Variants in SBF1 observed in about 807,000 individuals in gnomAD.
SBF1 encodes myotubularin-related protein 5.
A neutral mutation model predicts 215.8 loss-of-function variants in SBF1; 65 were observed. The ratio of observed to expected loss-of-function variants is 0.30; its 90% CI spans 0.25 to 0.37. SBF1 has a LOEUF of 0.37. Ranked by LOEUF, SBF1 falls within the 10% of genes least tolerant of loss-of-function variation. The pLI, the probability that SBF1 is intolerant of heterozygous loss-of-function variation, is 1.00. For synonymous variants in SBF1, 1,410 were observed against 1,122.8 expected (o/e 1.26, Z -5.11); for missense variants, 2,634 against 2,667.8 (o/e 0.99, Z 0.28).
In SBF1 at chr22:50,464,726, G is replaced by C; in HGVS notation, c.1444C>G (p.Pro482Ala). 6.2e-7 allele frequency: 1 copy of C among 1,607,562 alleles called. No individual in the cohort carries two copies. Among genetic ancestry groups the C allele is most frequent in the Non-Finnish European group, 8.5e-7 (1 of 1,177,954 alleles). ...TGTACCTTGTGCATCGCCACGGCTG[G>C]GTACGGGTTCTCCTGTGGGGAGACG... is the stretch of plus-strand genomic sequence containing the variant. ...EQLYKNENPY[P>A]AVAMHKVQRP... Residue 482 changes from proline to alanine, a missense_variant, in exon 14 of 41, where the codon CCA becomes GCA. Transcript: ENST00000380817.
chr22:50,454,654 C>T lies in SBF1; in HGVS notation c.4901G>A (p.Trp1634Ter), dbSNP rs1260740476. 1 of 1,592,480 alleles carries T rather than the reference C, an allele frequency of 6.3e-7. No homozygotes were observed. Among genetic ancestry groups the T allele is most frequent in the Non-Finnish European group, 8.6e-7 (1 of 1,169,358 alleles). Residue 1634 changes from tryptophan (W) to a stop codon, truncating the protein, a stop_gained, in exon 36 of 41, where the codon TGG (tryptophan) becomes TAG (stop). Transcript: ENST00000380817. LOFTEE classifies it high-confidence loss of function. ...TTCAGGGGGCCCCTGGGCCAGTTCC[C>T]AGTCATAGGGAGGGCCCTCGGCCAG... ...ETLAEGPPYD[W>*]ELAQGPPEPP...
intron 15 of SBF1, among the ~76,000 whole-genome samples, chr22:50,463,786 T>A (rs1189423873): frequency 6.6e-6 from 1 of 150,926 alleles, no homozygotes; most frequent in African/African-American, 2.4e-5. Context: ...AGCCTTGGAG[T>A]TTGCGTTCTA....
In SBF1 at chr22:50,465,087, G is replaced by A. The variant is rs1448693855; in HGVS notation, c.1246C>T (p.Leu416=). 1 of 1,614,122 alleles carries A rather than the reference G, an allele frequency of 6.2e-7. No homozygotes were observed. The highest frequency in any genetic ancestry group is 1.7e-5 in the Admixed American group (1 of 60,012). Reference sequence around the variant, plus strand: ...GCCATGCCCTCCAGCACCTTCATCAGGAAATCGTCCTCTACCAGCCCACGC... The same window carrying A: ...GCCATGCCCTCCAGCACCTTCATCAAGAAATCGTCCTCTACCAGCCCACGC... ...GQRGLVEDDF[L]MKVLEGMAFA... The change falls in exon 12 of 41, where the codon CTG becomes TTG. Residue 416 remains leucine (L), a synonymous_variant. Transcript: ENST00000380817.
chr22:50,458,658 C>A (rs1456082201), intron 28 of SBF1, among the ~76,000 whole-genome samples: 1 of 152,244 alleles, frequency 6.6e-6, no homozygotes, highest in African/African-American at 2.4e-5. Context: ...GGCCTATCTG[C>A]CACCCCGTCC....
rs914223694 is a variant in SBF1, at chr22:50,456,942, G to A, written c.3904+92C>T. 2.9e-5 allele frequency: 31 copies of A among 1,084,366 alleles called. 1 individual carries two copies. Among genetic ancestry groups the A allele is most frequent in the African/African-American group, 4.9e-5 (3 of 60,902 alleles). 67.2% of individuals were successfully genotyped at this position (1,084,366 alleles called of 1,614,324 possible). On this transcript the variant is annotated intron_variant, in intron 29 of 40. Coordinates refer to ENST00000380817, the MANE Select transcript of SBF1 (RefSeq NM_002972.4). ...CGGGTCGTTAGTGTCAGGTGTGGAG[G>A]GAGACATTAGTGCCCGCAATAACTC...
rs547416304 is a variant in SBF1, at chr22:50,461,339, C to T, written c.2840-53G>A. On this transcript the variant is annotated intron_variant, in intron 22 of 40. Transcript: ENST00000380817. ...GCAAGGAAGGTAAGGGGGGGGGGGT[C>T]CCAGAATCTCAGGGTACCACAGTTA... 2.9e-5 allele frequency: 45 copies of T among 1,540,810 alleles called. No individual in the cohort carries two copies. In the African/African-American group the frequency reaches 5.1e-4, roughly 17 times the overall value.
At chr22:50,459,723 C>T (rs1194091983) in intron 26 of SBF1, 57 bp from the exon 27 acceptor site, 34 of 1,510,442 alleles carry the variant, frequency 2.3e-5, no homozygotes, top group African/African-American at 2.8e-5. Flanking sequence ...TCCAGGCTCA[C>T]GCCCCAAGCA....
rs746863783 is a variant in SBF1, at chr22:50,447,171, G to A, written c.5653C>T (p.Arg1885Trp). The stretch of plus-strand genomic sequence containing the variant: ...GCGTCCGACAGGCAGCTCTGGATCC[G>A]GTCCACCCACTGCTGGGCCGAGGGC... ...DVPSAQQWVD[R>W]IQSCLSDA The change falls in exon 41 of 41, where the codon CGG becomes TGG. Residue 1885 changes from arginine to tryptophan, a missense_variant. Transcript: ENST00000380817. The A allele has an allele frequency of 1.6e-5, 26 of 1,612,988 alleles. No individual in the cohort carries two copies. The highest frequency in any genetic ancestry group is 5.3e-5 in the African/African-American group (4 of 74,932).
chr22:50,452,743 A>C (rs7349048), intron 36 of SBF1, among the ~76,000 whole-genome samples: 1 of 150,958 alleles, frequency 6.6e-6, no homozygotes, highest in African/African-American at 2.4e-5. Context: ...AAAAAAAAAA[A>C]AAAAAAAACC....
At chr22:50,460,245 C>A in intron 25 of SBF1, 27 bp downstream of exon 25, 1 of 1,601,636 alleles carries the variant, frequency 6.2e-7, no homozygotes, top group Non-Finnish European at 8.5e-7. Flanking sequence ...CCAGAGACCA[C>A]CCAGGACTCC....
chr22:50,473,105 G>GAA (rs2068052661), intron 1 of SBF1, among the ~76,000 whole-genome samples: 1 of 151,228 alleles, frequency 6.6e-6, no homozygotes, highest in African/African-American at 2.5e-5. Context: ...AGCCCACTCT[G>GAA]CCTCTTCTCT....
In SBF1 at chr22:50,473,534, G is replaced by C. The variant is rs541916222; in HGVS notation, c.55+1252C>G. On this transcript the variant is annotated intron_variant, in intron 1 of 40. Transcript: ENST00000380817. ...GTGCCATAAGACACACACTTGGATA[G>C]ACATGAGCAGAGAGGAGTGTGTGCT... 3.4e-4 allele frequency among the ~76,000 whole-genome samples: 52 copies of C among 152,336 alleles called. 1 individual carries two copies. Among genetic ancestry groups the C allele is most frequent in the Admixed American group, 2.9e-3 (44 of 15,294 alleles).
In SBF1 at chr22:50,460,382, T is replaced by C; in HGVS notation, c.3173A>G (p.Asn1058Ser). The change falls in exon 25 of 41, where the codon AAC becomes AGC. Residue 1058 changes from asparagine to serine, a missense_variant. Asn to Ser is a conservative substitution (Grantham distance 46, BLOSUM62 1). Transcript: ENST00000380817. ...CTGCCGCCCGATGGTCTTCTTGGCG[T>C]TCTTGACCAGGTTCCGGGACAGGGT... ...LRTLSRNLVK[N>S]AKKTIGRQHV... The C allele has an allele frequency of 1.2e-6, 2 of 1,612,988 alleles. No individual in the cohort carries two copies. The highest frequency in any genetic ancestry group is 1.3e-5 in the African/African-American group (1 of 75,022).
chr22:50,448,586 C>G lies in SBF1; in HGVS notation c.5108G>C (p.Arg1703Pro), dbSNP rs367954544. The change falls in exon 37 of 41, where the codon CGG becomes CCG. Residue 1703 changes from arginine (R) to proline (P), a missense_variant. Arg to Pro is a moderately radical substitution (Grantham distance 103, BLOSUM62 -2). Coordinates refer to ENST00000380817, the MANE Select transcript of SBF1 (RefSeq NM_002972.4). ...CTCGAGGCGCTGTGCAGCCTTCACC[C>G]GGTCCCAGGTGTCCTTCCAGCGCTC... The part of the protein sequence containing the change: ...PAERWKDTWD[R>P]VKAAQRLEGR... 1.2e-6 allele frequency: 2 copies of G among 1,612,112 alleles called. No homozygotes were observed. Among genetic ancestry groups the G allele is most frequent in the Non-Finnish European group, 1.7e-6 (2 of 1,180,026 alleles).
chr22:50,456,465 A>G, intron 30 of SBF1, 27 bp downstream of exon 30: 1 of 748,658 alleles, frequency 1.3e-6, no homozygotes, highest in Non-Finnish European at 1.8e-6. Context: ...CCCCACCCTC[A>G]CCCCCCACCC....
At chr22:50,464,967 G>T in intron 12 of SBF1, 34 bp downstream of exon 12, 2 of 1,613,906 alleles carry the variant, frequency 1.2e-6, no homozygotes, top group Non-Finnish European at 1.7e-6. Flanking sequence ...GCGGAGCCAG[G>T]GCAGGGGGCT....
chr22:50,460,227 G>A (rs1239497922), intron 25 of SBF1, 45 bp downstream of exon 25: 2 of 1,601,362 alleles, frequency 1.2e-6, no homozygotes, highest in African/African-American at 1.3e-5. Flanking sequence ...CCTGGCCAAT[G>A]TCAGCATCCA....
chr22:50,459,801 C>A, intron 26 of SBF1, 135 bp from the exon 27 acceptor site: 3 of 1,313,014 alleles, frequency 2.3e-6, no homozygotes, highest in Non-Finnish European at 3.1e-6. Flanking sequence ...GGCCCCCCAG[C>A]CACCCCCCAG....
intron 36 of SBF1, among the ~76,000 whole-genome samples, chr22:50,449,888 T>G (rs1272366875): frequency 6.6e-6 from 1 of 152,138 alleles, no homozygotes; most frequent in East Asian, 1.9e-4. Flanking sequence ...AGCCGTTGTT[T>G]CCAGATGTCA....
Sources: allele counts gnomAD v4.1 joint callset (sites outside exome capture counted in the v4.1 genomes callset), GRCh38; gene constraint gnomAD v4.1.1; transcripts MANE v1.5; gene names NCBI Gene and HGNC (gene_info 2026-07-23, HGNC 2026-07-21).